The following FNBP1 variants were observed in gnomAD, a reference collection of about 807,000 sequenced individuals.
FNBP1 encodes the protein formin-binding protein 1.
FNBP1 carries 26 observed loss-of-function variants against 90.6 expected under a neutral mutation model. The ratio of observed to expected loss-of-function variants is 0.29; its 90% confidence interval spans 0.21 to 0.40. FNBP1 has a LOEUF of 0.40. FNBP1 is among the 10% of genes least tolerant of loss of function. The probability of loss-of-function intolerance (pLI) is 1.00; values close to 1 mark genes in which losing one functional copy is unlikely to be tolerated. For synonymous variants in FNBP1, 260 were observed against 265.2 expected (o/e 0.98, Z 0.19); for missense variants, 635 against 768.0 (o/e 0.83, Z 2.05).
chr9:129,973,885 A>T (rs1268073102), intron 4 of FNBP1, among the ~76,000 whole-genome samples: 1 of 150,740 alleles, frequency 6.6e-6, no homozygotes, highest in African/African-American at 2.4e-5. Context: ...ATCTCAGCTC[A>T]CTGCAACCTC....
Position 129,977,410 on chromosome 9 carries a change from A to G in FNBP1, c.345+1055T>C, listed in dbSNP as rs1177665719. ...ATAAGGTTTGCTTCATTAGATAGCA[A>G]TGAATGAGCTGAGGAAAAGAATGGA... On this transcript the variant is annotated intron_variant, in intron 4 of 16. Coordinates refer to ENST00000446176, the MANE Select transcript of FNBP1 (RefSeq NM_015033.3). Among the ~76,000 whole-genome samples the G allele has an allele frequency of 3.3e-5, 5 of 152,188 alleles. No individual in the cohort carries two copies. The East Asian group carries it at 9.6e-4, about 29-fold the overall frequency.
intron 1 of FNBP1, among the ~76,000 whole-genome samples, chr9:129,999,382 G>A (rs1380936932): frequency 6.6e-6 from 1 of 152,052 alleles, no homozygotes; most frequent in African/African-American, 2.4e-5. Flanking sequence ...GATCACTTGA[G>A]AACAGGAGTT....
At chr9:130,036,079 CAAGTAA>C (rs958601743) in intron 1 of FNBP1, among the ~76,000 whole-genome samples, 4 of 151,918 alleles carry the variant, frequency 2.6e-5, no homozygotes, top group African/African-American at 9.7e-5. Flanking sequence ...TATGAGTGTA[CAAGTAA>C]AACAGGAAAC....
At chr9:129,910,342 C>T (rs1320260497) in intron 11 of FNBP1, among the ~76,000 whole-genome samples, 4 of 151,902 alleles carry the variant, frequency 2.6e-5, no homozygotes, top group South Asian at 2.1e-4. Flanking sequence ...ACTAGCTGGG[C>T]GTGGTGGCGA....
chr9:130,023,302 A>C (rs1379986268), intron 1 of FNBP1, among the ~76,000 whole-genome samples: 1 of 152,192 alleles, frequency 6.6e-6, no homozygotes, highest in Non-Finnish European at 1.5e-5. Context: ...TGCTTTTAAA[A>C]TCTGGCTTTT....
rs753995539 is a variant in FNBP1 at position 129,900,510 on chromosome 9, C to A, written c.1466G>T (p.Arg489Leu). The part of the protein sequence containing the change: ...LAEVEGRLPA[R>L]SEQARRQSGL... ...GCTCTGCCGGCGCGCCTGCTCGCTG[C>A]GTGCTGGGAGCCGGCCTTCAACCTC... The change falls in exon 14 of 17, where the codon CGC becomes CTC. Residue 489 changes from arginine (R) to leucine (L), a missense_variant. Physicochemically the swap from Arg to Leu is moderately radical, Grantham distance 102 (BLOSUM62 -2). Coordinates refer to ENST00000446176, the MANE Select transcript of FNBP1 (RefSeq NM_015033.3). The surrounding 1 kb of genome is among the most constrained non-coding windows in gnomAD (Gnocchi z 4.1). 4.4e-6 allele frequency: 7 copies of A among 1,591,562 alleles called. No homozygotes were observed. The highest frequency in any genetic ancestry group is 6.0e-6 in the Non-Finnish European group (7 of 1,171,036).
chr9:129,959,006 A>AAAAAAAAAAAAAAAAAC (rs2047380176), intron 4 of FNBP1, among the ~76,000 whole-genome samples: 1 of 147,912 alleles, frequency 6.8e-6, no homozygotes, highest in Non-Finnish European at 1.5e-5. Context: ...AAAAAAAAAA[A>AAAAAAAAAAAAAAAAAC]AGGAAAAGGG....
intron 4 of FNBP1, among the ~76,000 whole-genome samples, chr9:129,964,708 C>T (rs1346122261): frequency 6.6e-6 from 1 of 151,528 alleles, no homozygotes; most frequent in African/African-American, 2.4e-5. Flanking sequence ...AAATCACAGA[C>T]AGAACAGACA....
intron 1 of FNBP1, among the ~76,000 whole-genome samples, chr9:129,999,287 T>C (rs538742899): frequency 1.2e-4 from 19 of 152,180 alleles, no homozygotes; most frequent in African/African-American, 4.3e-4. Flanking sequence ...GGGGGCCCCT[T>C]TGCCCTCCTA....
intron 1 of FNBP1, among the ~76,000 whole-genome samples, chr9:130,003,903 G>A (rs1217311051): frequency 3.2e-4 from 36 of 112,464 alleles, no homozygotes; most frequent in Admixed American, 2.3e-3. Context: ...CAGCCTGGGC[G>A]ACAGAGCGAG....
intron 11 of FNBP1, among the ~76,000 whole-genome samples, chr9:129,915,160 T>C (rs1404977349): frequency 2.6e-5 from 4 of 151,960 alleles, no homozygotes; most frequent in Non-Finnish European, 5.9e-5. Context: ...CGTCGCACCA[T>C]AAAGATTCCA....
At chr9:129,984,142 A>AT (rs1028580765) in intron 2 of FNBP1, among the ~76,000 whole-genome samples, 1 of 152,006 alleles carries the variant, frequency 6.6e-6, no homozygotes, top group Non-Finnish European at 1.5e-5. Context: ...TTTCACTCTT[A>AT]TTTTTTTAAA....
At position 129,966,950 on chromosome 9, in the gene FNBP1, CAG is replaced by C. The variant is rs2048719007; in HGVS notation, c.346-8399_346-8398del. 1.3e-5 allele frequency among the ~76,000 whole-genome samples: 2 copies of C among 152,094 alleles called. No individual in the cohort carries two copies. The highest frequency in any genetic ancestry group is 2.9e-5 in the Non-Finnish European group (2 of 68,012). ...CAGAGAAATGAATTAGGAGGCTCAG[CAG>C]AGTCCTCTAGATGAGAGATAATGAG... On this transcript the variant is annotated intron_variant, in intron 4 of 16. Coordinates refer to ENST00000446176, the MANE Select transcript of FNBP1 (RefSeq NM_015033.3). The surrounding 1 kb of genome is among the most constrained non-coding windows in gnomAD (Gnocchi z 4.3).
At chr9:130,018,627 G>A (rs1029206861) in intron 1 of FNBP1, among the ~76,000 whole-genome samples, 5 of 151,942 alleles carry the variant, frequency 3.3e-5, no homozygotes, top group South Asian at 2.1e-4. Flanking sequence ...GCACTGGTGC[G>A]TGATCTCAGC....
chr9:130,008,051 A>C (rs1412701629), intron 1 of FNBP1, among the ~76,000 whole-genome samples: 5 of 144,498 alleles, frequency 3.5e-5, no homozygotes, highest in Admixed American at 6.9e-5. Flanking sequence ...AAAAAAAAAA[A>C]CACCTAATTT....
At chr9:129,922,514 G>C (rs1376199652) in intron 10 of FNBP1, among the ~76,000 whole-genome samples, 1 of 152,088 alleles carries the variant, frequency 6.6e-6, no homozygotes, top group East Asian at 1.9e-4. Flanking sequence ...AGTAAAATAA[G>C]GAAATATGAG....
chr9:129,960,271 G>A (rs375045958), intron 4 of FNBP1, among the ~76,000 whole-genome samples: 318 of 151,384 alleles, frequency 2.1e-3, no homozygotes, highest in African/African-American at 7.4e-3. Context: ...CAGCTACTCC[G>A]GAGGCTTAGG....
chr9:130,044,442 C>T (rs547819558), upstream of FNBP1, among the ~76,000 whole-genome samples: 3 of 140,704 alleles, frequency 2.1e-5, no homozygotes, highest in Non-Finnish European at 4.6e-5. Context: ...TGGGCAACAT[C>T]GCAAGACCCT....
chr9:129,963,956 G>T (rs930239077), intron 4 of FNBP1, among the ~76,000 whole-genome samples: 5 of 151,966 alleles, frequency 3.3e-5, no homozygotes, highest in Non-Finnish European at 7.4e-5. Flanking sequence ...CATTTATTTG[G>T]CCATAACATA....
Sources: gnomAD v4.1 joint callset for allele counts (sites outside exome capture counted in the v4.1 genomes callset) on GRCh38, gnomAD v4.1.1 for gene constraint, Gnocchi (gnomAD v3.1) non-coding constraint, MANE v1.5 for transcripts, NCBI Gene and HGNC (gene_info 2026-07-23, HGNC 2026-07-21) for gene names.